The following PTGER3 variants were observed in gnomAD, a reference collection of about 807,000 sequenced individuals.
The protein encoded by PTGER3 is prostaglandin E receptor 3.
A neutral mutation model predicts 34.7 loss-of-function variants in PTGER3; 22 were observed. The observed-to-expected ratio is 0.63, with a 90% CI of 0.45 to 0.91. The LOEUF (loss-of-function observed/expected upper bound fraction) is 0.91. Among genes scored for constraint, PTGER3 ranks in the 40% least tolerant of loss-of-function variants. The pLI, the probability that PTGER3 is intolerant of heterozygous loss-of-function variation, is 0.00. For synonymous variants in PTGER3, 241 were observed against 230.1 expected, an observed-to-expected ratio of 1.05 and a Z score of -0.43; for missense variants, 468 against 519.4, an observed-to-expected ratio of 0.90 and a Z score of 0.96.
At chr1:71,046,635 TA>T in intron 1 of PTGER3, 45 bp downstream of exon 1, 3 of 1,504,340 alleles carry the variant, frequency 2.0e-6, no homozygotes, top group Non-Finnish European at 2.6e-6. Flanking sequence ...GGTTCCCGCT[TA>T]CTCGCACACG....
chr1:70,921,335 C>A (rs1572651415), intron 4 of PTGER3, among the ~76,000 whole-genome samples: 2 of 152,286 alleles, frequency 1.3e-5, no homozygotes, highest in South Asian at 4.1e-4. Flanking sequence ...GTCTTCCTGG[C>A]CTCCCTGAGT....
chr1:70,977,108 G>A (rs1484562735), intron 2 of PTGER3, among the ~76,000 whole-genome samples: 8 of 152,118 alleles, frequency 5.3e-5, no homozygotes, highest in African/African-American at 9.7e-5. Flanking sequence ...ATTTAACTGC[G>A]TATTTGGAGG....
chr1:71,025,555 T>C (rs1658853392), intron 1 of PTGER3, among the ~76,000 whole-genome samples: 1 of 152,194 alleles, frequency 6.6e-6, no homozygotes, highest in Admixed American at 6.6e-5. Flanking sequence ...GTGTTATATA[T>C]GATTCTAGCA....
intron 4 of PTGER3, among the ~76,000 whole-genome samples, chr1:70,869,796 A>G (rs1646124555): frequency 6.6e-6 from 1 of 152,162 alleles, no homozygotes; most frequent in Non-Finnish European, 1.5e-5. Context: ...GGCCTTTGGC[A>G]GCTCTGGCCT....
Position 70,933,657 on chromosome 1 carries a change from C to T in PTGER3, c.*23+20106G>A, listed in dbSNP as rs777146342. Among the ~76,000 whole-genome samples, 4 of 152,192 alleles carry T rather than the reference C, an allele frequency of 2.6e-5. No homozygotes were observed. The South Asian group carries it at 6.2e-4, about 24-fold the overall frequency. On this transcript the variant is annotated intron_variant, in intron 4 of 4. Transcript: ENST00000370931. The stretch of plus-strand genomic sequence containing the variant: ...AGTGACTACTTCAGAAGCAGAAGAC[C>T]CTTTTCTTTGTTCATCTGTTGGCAA...
intron 4 of PTGER3, among the ~76,000 whole-genome samples, chr1:70,888,629 T>G (rs1460512672): frequency 6.6e-6 from 1 of 152,146 alleles, no homozygotes; most frequent in African/African-American, 2.4e-5. Context: ...TAACAGCAAC[T>G]ATGTTTCCTT....
intron 4 of PTGER3, among the ~76,000 whole-genome samples, chr1:70,917,441 G>GTGTATA (rs376536515): frequency 1.5e-5 from 2 of 137,352 alleles, no homozygotes; most frequent in African/African-American, 6.2e-5. Flanking sequence ...GTGTGTGTGT[G>GTGTATA]TATACAATCA....
downstream of PTGER3, among the ~76,000 whole-genome samples, chr1:70,948,131 G>A (rs966181843): frequency 6.6e-6 from 1 of 152,174 alleles, no homozygotes; most frequent in Non-Finnish European, 1.5e-5. Flanking sequence ...CCAATGCTCT[G>A]CAAAACTAGA....
chr1:70,911,322 C>G (rs904353602), intron 4 of PTGER3, among the ~76,000 whole-genome samples: 2 of 151,758 alleles, frequency 1.3e-5, no homozygotes, highest in South Asian at 2.1e-4. Context: ...TGTCTCCCCC[C>G]ACAGTTACAG....
intron 1 of PTGER3, 111 bp downstream of exon 1, chr1:71,046,570 G>A: frequency 7.6e-7 from 1 of 1,321,778 alleles, no homozygotes; most frequent in Non-Finnish European, 1.0e-6. Flanking sequence ...GGACACTTCA[G>A]CGCTCTGCGG....
intron 4 of PTGER3, among the ~76,000 whole-genome samples, chr1:70,934,757 A>C (rs889389236): frequency 1.3e-5 from 2 of 152,194 alleles, no homozygotes; most frequent in Non-Finnish European, 2.9e-5. Flanking sequence ...ATGATTTATC[A>C]TTTCAATTAT....
intron 1 of PTGER3, 31 bp downstream of exon 1, chr1:71,046,650 C>A (rs757452233): frequency 6.6e-7 from 1 of 1,514,578 alleles, no homozygotes; most frequent in African/African-American, 1.4e-5. Context: ...GCACACGCAT[C>A]CTGACTTCCC....
intron 2 of PTGER3, among the ~76,000 whole-genome samples, chr1:70,956,669 T>C (rs1446399454): frequency 6.6e-6 from 1 of 152,156 alleles, no homozygotes; most frequent in Non-Finnish European, 1.5e-5. Flanking sequence ...GGAGTCAAGA[T>C]ACCAGCAGAG....
intron 4 of PTGER3, among the ~76,000 whole-genome samples, chr1:70,902,476 T>C (rs1646860486): frequency 6.6e-6 from 1 of 152,212 alleles, no homozygotes; most frequent in African/African-American, 2.4e-5. Context: ...CTCAGTTTCA[T>C]GGAGAAGCAG....
chr1:70,936,639 TAAATA>T (rs1369546028), intron 4 of PTGER3, among the ~76,000 whole-genome samples: 2 of 152,086 alleles, frequency 1.3e-5, no homozygotes, highest in African/African-American at 4.8e-5. Context: ...GACAGCAACA[TAAATA>T]AAATAGGATT....
At chr1:70,902,663 G>A (rs757779551) in intron 4 of PTGER3, among the ~76,000 whole-genome samples, 5 of 152,182 alleles carry the variant, frequency 3.3e-5, no homozygotes, top group Non-Finnish European at 7.3e-5. Context: ...GAGAGGAAAG[G>A]CATCAAAGGA....
downstream of PTGER3, chr1:70,952,359 T>C (rs1222576257): frequency 1.1e-6 from 1 of 942,736 alleles, no homozygotes; most frequent in East Asian, 1.2e-4. Flanking sequence ...ACATCACACT[T>C]CCTAGTTTTG....
At chr1:70,879,260 G>GTTTTGTTTTA (rs1247953511) in intron 4 of PTGER3, among the ~76,000 whole-genome samples, 2 of 151,724 alleles carry the variant, frequency 1.3e-5, no homozygotes, top group Admixed American at 1.3e-4. Flanking sequence ...TGTTTGTTTT[G>GTTTTGTTTTA]TTTTGAGACA....
chr1:71,040,081 G>GAAGA (rs201855373), intron 1 of PTGER3, among the ~76,000 whole-genome samples: 15 of 146,520 alleles, frequency 1.0e-4, no homozygotes, highest in South Asian at 8.8e-4. Flanking sequence ...GGGAGGGAGG[G>GAAGA]AAGAAAGAAA....
Sources: gnomAD v4.1 joint callset for allele counts (sites outside exome capture counted in the v4.1 genomes callset) on GRCh38, gnomAD v4.1.1 for gene constraint, MANE v1.5 for transcripts, NCBI Gene and HGNC (gene_info 2026-07-23, HGNC 2026-07-21) for gene names.